Variants in ANKFN1 observed in about 807,000 individuals in gnomAD.
ANKFN1 encodes ankyrin repeat and fibronectin type-III domain-containing protein 1.
ANKFN1 carries 74 observed loss-of-function variants against 108.7 expected under a neutral mutation model. That is an observed-to-expected ratio of 0.68 (90% CI 0.56 to 0.83). ANKFN1 has a LOEUF of 0.83. ANKFN1 is among the 40% of genes least tolerant of loss of function. The probability of loss-of-function intolerance (pLI) is 0.00; values close to 1 mark genes in which losing one functional copy is unlikely to be tolerated. For synonymous variants in ANKFN1, 547 were observed against 516.2 expected (o/e 1.06, Z -0.81); for missense variants, 1,505 against 1,382.3 (o/e 1.09, Z -1.41).
chr17:56,456,694 C>G (rs1258988228), intron 11 of ANKFN1, among the ~76,000 whole-genome samples, 167 bp from the exon 12 acceptor site: 2 of 151,904 alleles, frequency 1.3e-5, no homozygotes, highest in Non-Finnish European at 2.9e-5. Flanking sequence ...CCGTGCCCGG[C>G]TACAAGAGCT....
chr17:56,406,955 G>T (rs758349196), intron 8 of ANKFN1, among the ~76,000 whole-genome samples: 1 of 152,138 alleles, frequency 6.6e-6, no homozygotes, highest in Non-Finnish European at 1.5e-5. Flanking sequence ...TTTCTAGATT[G>T]ATCTGTAATG....
At chr17:56,143,060 T>G (rs1908023978) in intron 4 of ANKFN1, among the ~76,000 whole-genome samples, 1 of 152,096 alleles carries the variant, frequency 6.6e-6, no homozygotes, top group Non-Finnish European at 1.5e-5. Context: ...GCTGAGATTC[T>G]CAGGAAGAGA....
At chr17:56,383,131 C>G (rs2047155748) in intron 8 of ANKFN1, among the ~76,000 whole-genome samples, 1 of 152,168 alleles carries the variant, frequency 6.6e-6, no homozygotes, top group African/African-American at 2.4e-5. Context: ...CAAACTGTCT[C>G]TCAGACCACA....
chr17:56,210,638 A>C (rs980313518), intron 1 of ANKFN1, among the ~76,000 whole-genome samples: 1 of 152,130 alleles, frequency 6.6e-6, no homozygotes, highest in Admixed American at 6.5e-5. Context: ...GTCCATTCTC[A>C]TGCTGCTATG....
At chr17:56,485,421 GC>G (rs768534355) in intron 18 of ANKFN1, among the ~76,000 whole-genome samples, 3 of 152,166 alleles carry the variant, frequency 2.0e-5, no homozygotes, top group Non-Finnish European at 4.4e-5. Context: ...GTAAGAGTGT[GC>G]TTGGCTAAGA....
intron 1 of ANKFN1, among the ~76,000 whole-genome samples, chr17:56,208,808 C>T (rs1247869585): frequency 1.3e-5 from 2 of 152,124 alleles, no homozygotes; most frequent in African/African-American, 4.8e-5. Flanking sequence ...TCTTTCGGGA[C>T]AGAGGTCTCC....
At chr17:56,426,285 G>A (rs2048566644) in intron 8 of ANKFN1, among the ~76,000 whole-genome samples, 2 of 152,142 alleles carry the variant, frequency 1.3e-5, no homozygotes, top group African/African-American at 4.8e-5. Context: ...CCTCCCCACA[G>A]TCAGTGACCT....
At chr17:56,355,931 C>T (rs1307115710) in intron 6 of ANKFN1, among the ~76,000 whole-genome samples, 1 of 152,148 alleles carries the variant, frequency 6.6e-6, no homozygotes, top group Non-Finnish European at 1.5e-5. Flanking sequence ...ATACCATTGA[C>T]TATTATCACT....
intron 3 of ANKFN1, among the ~76,000 whole-genome samples, chr17:56,299,687 G>A (rs2144359224): frequency 6.6e-6 from 1 of 152,168 alleles, no homozygotes; most frequent in East Asian, 1.9e-4. Context: ...GTAGAATGGA[G>A]ATAGTTGTAG....
chr17:56,360,952 T>C (rs2046500193), intron 6 of ANKFN1, among the ~76,000 whole-genome samples: 1 of 152,172 alleles, frequency 6.6e-6, no homozygotes, highest in Non-Finnish European at 1.5e-5. Flanking sequence ...GTTCATCTTC[T>C]AGTTGAAAAT....
At chr17:56,282,486 C>T (rs763435365) in intron 3 of ANKFN1, among the ~76,000 whole-genome samples, 21 of 152,178 alleles carry the variant, frequency 1.4e-4, no homozygotes, top group East Asian at 5.8e-4. Flanking sequence ...ATTTCAAAAA[C>T]CATTTTTGTG....
chr17:56,399,302 G>C (rs1044208855), intron 8 of ANKFN1, among the ~76,000 whole-genome samples: 21 of 151,910 alleles, frequency 1.4e-4, no homozygotes, highest in African/African-American at 4.6e-4. Flanking sequence ...AAAAGGAAAG[G>C]CATTTATACC....
intron 1 of ANKFN1, among the ~76,000 whole-genome samples, chr17:56,184,334 G>A (rs1911983564): frequency 6.6e-6 from 1 of 152,112 alleles, no homozygotes; most frequent in South Asian, 2.1e-4. Context: ...CCAGCAAAAA[G>A]GTTAAGACTT....
At chr17:56,300,855 C>T (rs1009499882) in intron 3 of ANKFN1, among the ~76,000 whole-genome samples, 4 of 152,158 alleles carry the variant, frequency 2.6e-5, no homozygotes, top group Admixed American at 1.3e-4. Context: ...ACTGAGAGAT[C>T]TGTTCCATGT....
At position 56,326,433 on chromosome 17, in the gene ANKFN1, A is replaced by G. The variant is rs969667391; in HGVS notation, c.188+78A>G. 14 of 1,515,384 alleles carry G rather than the reference A, an allele frequency of 9.2e-6. No individual in the cohort carries two copies. The African/African-American group carries it at 1.8e-4, about 20-fold the overall frequency. The allele number at this position is 1,515,384 out of a possible 1,614,324, so 93.9% of individuals were successfully genotyped here. A position where few individuals can be genotyped will look rare whatever the true frequency, so the allele number is the denominator to read the frequency against. Reference sequence around the variant, plus strand: ...TTACTGATTATTTTTAAATGTGTATATGTTGCTGTGGCTTAAATGATACTT... The same window carrying G: ...TTACTGATTATTTTTAAATGTGTATGTGTTGCTGTGGCTTAAATGATACTT... On this transcript the variant is annotated intron_variant, in intron 4 of 20. Transcript: ENST00000682825.
intron 1 of ANKFN1, among the ~76,000 whole-genome samples, chr17:56,200,036 T>C (rs1247073343): frequency 6.6e-6 from 1 of 152,166 alleles, no homozygotes; most frequent in East Asian, 1.9e-4. Context: ...AGCTGATGTA[T>C]CCTAGGCATT....
intron 6 of ANKFN1, chr17:56,368,232 G>C: frequency 1.1e-6 from 1 of 950,100 alleles, no homozygotes; most frequent in Non-Finnish European, 1.4e-6. Context: ...TTATCAAGAG[G>C]TATAAAACAC....
chr17:56,140,766 A>T (rs1417450997), intron 4 of ANKFN1, among the ~76,000 whole-genome samples: 1 of 152,150 alleles, frequency 6.6e-6, no homozygotes. Flanking sequence ...ATAAATACAA[A>T]TGTGTATGTT....
rs79523959 is a variant in ANKFN1, at chr17:56,489,406, T to G, written c.2261-2781T>G. On this transcript the variant is annotated intron_variant, in intron 18 of 20. Coordinates refer to ENST00000682825, the MANE Select transcript of ANKFN1 (RefSeq NM_001370326.1). Reference sequence around the variant, plus strand: ...ATCATTGCTAAACCACAAAAGACTATGTTAAAGTAACATTTGTTAAAGTAA... The same window carrying G: ...ATCATTGCTAAACCACAAAAGACTAGGTTAAAGTAACATTTGTTAAAGTAA... 5.5e-4 allele frequency among the ~76,000 whole-genome samples: 82 copies of G among 150,458 alleles called. 4 individuals are homozygous for G. The East Asian group carries it at 0.015, about 27-fold the overall frequency.
Sources: gnomAD v4.1 joint callset for allele counts (sites outside exome capture counted in the v4.1 genomes callset) on GRCh38, gnomAD v4.1.1 for gene constraint, MANE v1.5 for transcripts, NCBI Gene and HGNC (gene_info 2026-07-23, HGNC 2026-07-21) for gene names.